The following THSD7B variants were observed in gnomAD, a reference collection of about 807,000 sequenced individuals.
THSD7B encodes the protein thrombospondin type-1 domain-containing protein 7B.
A neutral mutation model predicts 213.6 loss-of-function variants in THSD7B; 138 were observed. The ratio of observed to expected loss-of-function variants is 0.65; its 90% CI spans 0.56 to 0.74. The LOEUF (loss-of-function observed/expected upper bound fraction) is 0.74, where lower values mean the gene tolerates loss of function less well. Ranked by LOEUF, THSD7B falls within the 30% of genes least tolerant of loss-of-function variation. THSD7B has a pLI of 0.00. For synonymous variants in THSD7B, 742 were observed against 687.0 expected (o/e 1.08, Z -1.25); for missense variants, 1,931 against 1,991.5 (o/e 0.97, Z 0.58).
At chr2:136,983,699 T>C (rs893507676) in intron 2 of THSD7B, among the ~76,000 whole-genome samples, 11 of 152,330 alleles carry the variant, frequency 7.2e-5, no homozygotes, top group Non-Finnish European at 1.5e-4. Flanking sequence ...TACAAATAAA[T>C]GATTTGCTAA....
At chr2:136,901,632 A>G (rs1684064881) in intron 2 of THSD7B, among the ~76,000 whole-genome samples, 1 of 152,202 alleles carries the variant, frequency 6.6e-6, no homozygotes, top group African/African-American at 2.4e-5. Flanking sequence ...TAGCTCTTTA[A>G]GTTCTTTTGA....
intron 7 of THSD7B, among the ~76,000 whole-genome samples, chr2:137,197,291 G>T (rs1680783551): frequency 6.6e-6 from 1 of 152,130 alleles, no homozygotes; most frequent in Non-Finnish European, 1.5e-5. Context: ...GATGGAGGAA[G>T]GAAGAAGTTG....
chr2:136,896,510 C>T (rs567483), intron 2 of THSD7B, among the ~76,000 whole-genome samples: 66,488 of 151,868 alleles, frequency 0.44, 15,971 homozygotes, highest in Non-Finnish European at 0.55. Context: ...CTTTTCAGTT[C>T]AATGGTGTCT....
chr2:137,278,863 A>G (rs998664226), intron 12 of THSD7B, among the ~76,000 whole-genome samples: 4 of 152,184 alleles, frequency 2.6e-5, no homozygotes, highest in African/African-American at 9.6e-5. Flanking sequence ...AATTTCAGGA[A>G]ATACAAAGTG....
chr2:136,849,571 C>T (rs1683063722), intron 1 of THSD7B, among the ~76,000 whole-genome samples: 1 of 152,060 alleles, frequency 6.6e-6, no homozygotes, highest in Non-Finnish European at 1.5e-5. Context: ...TGTCCTGTCC[C>T]CATCCTAGCT....
chr2:137,305,750 A>C (rs1333690236), intron 12 of THSD7B, among the ~76,000 whole-genome samples: 1 of 152,138 alleles, frequency 6.6e-6, no homozygotes, highest in Admixed American at 6.6e-5. Flanking sequence ...ACTTAATGAC[A>C]GGGATACTTC....
chr2:137,057,365 T>G (rs1687190523), intron 3 of THSD7B, 135 bp downstream of exon 3: 1 of 918,408 alleles, frequency 1.1e-6, no homozygotes, highest in Middle Eastern at 2.5e-4. Flanking sequence ...AAGTTTCATG[T>G]AAGAAATTTT....
intron 7 of THSD7B, among the ~76,000 whole-genome samples, chr2:137,226,382 A>G (rs1026794969): frequency 6.6e-6 from 1 of 150,806 alleles, no homozygotes; most frequent in Non-Finnish European, 1.5e-5. Flanking sequence ...TCATATCTTT[A>G]TTTTTTTCTT....
At chr2:136,788,992 T>G (rs1477668964) in intron 1 of THSD7B, among the ~76,000 whole-genome samples, 1 of 152,134 alleles carries the variant, frequency 6.6e-6, no homozygotes, top group Non-Finnish European at 1.5e-5. Context: ...AAATTTAGCC[T>G]TTAGATTAAT....
chr2:137,646,681 T>TAATAATAATAAA lies in THSD7B; in HGVS notation c.3945+4050_3945+4051insTAATAATAAAAA, dbSNP rs879335014. On this transcript the variant is annotated intron_variant, in intron 21 of 27. Coordinates refer to ENST00000409968, the MANE Select transcript of THSD7B (RefSeq NM_001316349.2). Reference sequence around the variant, plus strand: ...ATAATAATAATAATAATAATAATAATAAACACTTCACTGGCACCTTGATCT... The same window carrying TAATAATAATAAA: ...ATAATAATAATAATAATAATAATAATAATAATAATAAAAAACACTTCACTGGCACCTTGATCT... 3.6e-3 allele frequency among the ~76,000 whole-genome samples: 540 copies of TAATAATAATAAA among 148,144 alleles called. 5 individuals are homozygous for TAATAATAATAAA. Among genetic ancestry groups the TAATAATAATAAA allele is most frequent in the Non-Finnish European group, 4.5e-3 (301 of 67,246 alleles).
intron 12 of THSD7B, among the ~76,000 whole-genome samples, chr2:137,395,938 A>G (rs1686171802): frequency 6.6e-6 from 1 of 151,870 alleles, no homozygotes; most frequent in Admixed American, 6.6e-5. Flanking sequence ...TAGATTTTCT[A>G]GTTTATTTGC....
At chr2:136,951,936 C>T (rs1293025995) in intron 2 of THSD7B, among the ~76,000 whole-genome samples, 2 of 152,124 alleles carry the variant, frequency 1.3e-5, no homozygotes, top group Non-Finnish European at 1.5e-5. Flanking sequence ...GTGGTGCAAT[C>T]TCAGCTCACT....
intron 2 of THSD7B, among the ~76,000 whole-genome samples, chr2:136,950,200 C>T (rs1414589230): frequency 4.0e-5 from 6 of 151,794 alleles, no homozygotes; most frequent in African/African-American, 7.3e-5. Flanking sequence ...TGCAGTGAGC[C>T]GAGATTGTGC....
At chr2:137,314,460 C>A (rs531904052) in intron 12 of THSD7B, among the ~76,000 whole-genome samples, 49 of 152,274 alleles carry the variant, frequency 3.2e-4, no homozygotes, top group African/African-American at 1.2e-3. Flanking sequence ...GAATGTCCTC[C>A]CATAGCTCGG....
intron 17 of THSD7B, among the ~76,000 whole-genome samples, chr2:137,600,767 C>T (rs1180251741): frequency 2.6e-5 from 4 of 151,992 alleles, no homozygotes; most frequent in African/African-American, 4.8e-5. Context: ...CAAAATTTAA[C>T]TACAAGACAG....
chr2:137,042,067 A>G (rs1686893803), intron 2 of THSD7B, among the ~76,000 whole-genome samples: 1 of 152,170 alleles, frequency 6.6e-6, no homozygotes, highest in Non-Finnish European at 1.5e-5. Context: ...GACTTTAACA[A>G]TTGCTCTGCT....
At chr2:137,582,624 A>T (rs1439222200) in intron 17 of THSD7B, among the ~76,000 whole-genome samples, 2 of 151,980 alleles carry the variant, frequency 1.3e-5, no homozygotes, top group African/African-American at 4.8e-5. Context: ...TTTGCTGAGG[A>T]TGATGGTTTC....
At chr2:137,097,663 G>A (rs1379984164) in intron 4 of THSD7B, among the ~76,000 whole-genome samples, 1 of 151,994 alleles carries the variant, frequency 6.6e-6, no homozygotes, top group African/African-American at 2.4e-5. Flanking sequence ...TTTCTGTATG[G>A]ATCTTCATTT....
chr2:137,605,259 C>T (rs1416135641), intron 17 of THSD7B, among the ~76,000 whole-genome samples: 1 of 152,172 alleles, frequency 6.6e-6, no homozygotes, highest in South Asian at 2.1e-4. Flanking sequence ...TCATCACATT[C>T]TCCTTTTTAC....
Sources: allele counts gnomAD v4.1 joint callset (sites outside exome capture counted in the v4.1 genomes callset), GRCh38; gene constraint gnomAD v4.1.1; transcripts MANE v1.5; gene names NCBI Gene and HGNC (gene_info 2026-07-23, HGNC 2026-07-21).